The following IFNAR2 variants were observed in gnomAD, a reference collection of about 807,000 sequenced individuals.
IFNAR2 encodes interferon alpha and beta receptor subunit 2, also known as interferon alpha/beta receptor 2.
IFNAR2 carries 30 observed loss-of-function variants against 49.4 expected under a neutral mutation model. That is an observed-to-expected ratio of 0.61 (90% CI 0.45 to 0.82). The LOEUF (loss-of-function observed/expected upper bound fraction) is 0.82, where lower values mean the gene tolerates loss of function less well. Ranked by LOEUF, IFNAR2 falls within the 40% of genes least tolerant of loss-of-function variation. The pLI, the probability that IFNAR2 is intolerant of heterozygous loss-of-function variation, is 0.00. For missense variants in IFNAR2, 600 were observed against 622.7 expected (o/e 0.96, Z 0.39); for synonymous variants, 224 against 234.5 (o/e 0.96, Z 0.41).
intron 7 of IFNAR2, 90 bp from the exon 8 acceptor site, chr21:33,260,507 C>T (rs889696284): frequency 2.4e-6 from 3 of 1,230,964 alleles, no homozygotes; most frequent in Non-Finnish European, 3.3e-6. Context: ...TCTTGATCAT[C>T]TTGTAACACC....
Position 33,262,895 on chromosome 21 carries a change from G to A in IFNAR2, c.943G>A (p.Asp315Asn), listed in dbSNP as rs779764282. ...IYINRKKKVW[D>N]YNYDDESDSD... ...CATCAACAGAAAGAAGAAAGTGTGG[G>A]ATTATAATTATGATGATGAAAGTGA... The change falls in exon 9 of 9, where the codon GAT becomes AAT. Residue 315 changes from aspartate (D) to asparagine (N), a missense_variant. By Grantham distance (23) the Asp-to-Asn change is conservative. Transcript: ENST00000342136. 3 of 1,614,122 alleles carry A rather than the reference G, an allele frequency of 1.9e-6. No homozygotes were observed. The highest frequency in any genetic ancestry group is 2.2e-5 in the East Asian group (1 of 44,884).
In IFNAR2 at chr21:33,263,675, T is replaced by C. The variant is rs1305825640; in HGVS notation, c.*175T>C. 10 of 612,998 alleles carry C rather than the reference T, an allele frequency of 1.6e-5. No individual in the cohort carries two copies. The highest frequency in any genetic ancestry group is 2.6e-5 in the Non-Finnish European group (9 of 351,304). 38.0% of individuals were successfully genotyped at this position (612,998 alleles called of 1,614,324 possible). On this transcript the variant is annotated 3_prime_UTR_variant, in exon 9 of 9. Transcript: ENST00000342136. Reference sequence around the variant, plus strand: ...ATGCACATTCCCAGTATGGGGACCATAGTATCATTCAGTGCATTGTTTACA... The same window carrying C: ...ATGCACATTCCCAGTATGGGGACCACAGTATCATTCAGTGCATTGTTTACA...
chr21:33,256,493 G>A (rs1038445531), intron 7 of IFNAR2, among the ~76,000 whole-genome samples: 3 of 152,150 alleles, frequency 2.0e-5, no homozygotes, highest in African/African-American at 7.2e-5. Flanking sequence ...ATGGTGAGGG[G>A]TCTTGGAAGG....
rs764608665 is a variant in IFNAR2, at chr21:33,244,955, C to T, written c.102C>T (p.Tyr34=). The T allele has an allele frequency of 7.4e-6, 12 of 1,613,432 alleles. No individual in the cohort carries two copies. The highest frequency in any genetic ancestry group is 9.3e-6 in the Non-Finnish European group (11 of 1,179,578). The change falls in exon 4 of 9, where the codon TAC becomes TAT. Residue 34 remains tyrosine (Y), a synonymous_variant. Transcript: ENST00000342136. ...VFGISYDSPD[Y]TDESCTFKIS... ...CCTTTTTCTTCTTCTCTTTAGATTA[C>T]ACAGATGAATCTTGCACTTTCAAGA... is the stretch of plus-strand genomic sequence containing the variant.
chr21:33,234,304 A>G (rs540923500), intron 1 of IFNAR2, among the ~76,000 whole-genome samples: 2 of 152,186 alleles, frequency 1.3e-5, no homozygotes, highest in East Asian at 3.9e-4. Context: ...AAAAAGAAAG[A>G]TGTTTGAAAA....
intron 2 of IFNAR2, 62 bp from the exon 3 acceptor site, chr21:33,243,611 A>G (rs1987160303): frequency 7.3e-7 from 1 of 1,364,712 alleles, no homozygotes; most frequent in African/African-American, 1.4e-5. Flanking sequence ...GACTTAGAGT[A>G]ATCATTGCAA....
At position 33,263,170 on chromosome 21, in the gene IFNAR2, T is replaced by G; in HGVS notation, c.1218T>G (p.Phe406Leu). The G allele has an allele frequency of 6.2e-7, 1 of 1,614,108 alleles. No homozygotes were observed. Among genetic ancestry groups the G allele is most frequent in the Non-Finnish European group, 8.5e-7 (1 of 1,179,992 alleles). Residue 406 changes from phenylalanine to leucine, a missense_variant, in exon 9 of 9, where the codon TTT (phenylalanine) becomes TTG (leucine). Physicochemically the swap from Phe to Leu is conservative, Grantham distance 22. Transcript: ENST00000342136. ...ERRKSPLQDPFPEEDYSSTEG... is the reference protein window; with the variant it reads ...ERRKSPLQDPLPEEDYSSTEG... Reference sequence around the variant, plus strand: ...GAAAGAGTCCACTCCAGGACCCTTTTCCCGAAGAGGACTACAGCTCCACGG... The same window carrying G: ...GAAAGAGTCCACTCCAGGACCCTTTGCCCGAAGAGGACTACAGCTCCACGG...
intron 1 of IFNAR2, 85 bp from the exon 2 acceptor site, chr21:33,241,755 A>G (rs1175697756): frequency 2.1e-6 from 2 of 962,762 alleles, no homozygotes; most frequent in Non-Finnish European, 2.9e-6. Context: ...GCTCACTTGA[A>G]TAAATGGGGT....
At chr21:33,255,645 T>A (rs765521919) in intron 7 of IFNAR2, among the ~76,000 whole-genome samples, 5 of 152,336 alleles carry the variant, frequency 3.3e-5, no homozygotes, top group Non-Finnish European at 7.4e-5. Flanking sequence ...ATTTGGGGAC[T>A]CCCCAACCCT....
At chr21:33,233,342 G>A (rs1004329121) in intron 1 of IFNAR2, among the ~76,000 whole-genome samples, 3 of 151,478 alleles carry the variant, frequency 2.0e-5, no homozygotes, top group Non-Finnish European at 2.9e-5. Context: ...AGTCCCAGAT[G>A]TAGAGAAGTC....
At chr21:33,251,003 G>A (rs1987798940) in intron 6 of IFNAR2, among the ~76,000 whole-genome samples, 1 of 152,198 alleles carries the variant, frequency 6.6e-6, no homozygotes, top group African/African-American at 2.4e-5. Flanking sequence ...GGAAGGAGCT[G>A]GATGTGCCAG....
chr21:33,249,342 T>TC (rs990425650), intron 6 of IFNAR2, among the ~76,000 whole-genome samples: 1 of 44,926 alleles, frequency 2.2e-5, no homozygotes, highest in African/African-American at 1.1e-4. Flanking sequence ...AGACTCCGTC[T>TC]CAAAAAAAAA....
intron 5 of IFNAR2, among the ~76,000 whole-genome samples, chr21:33,247,515 G>A (rs990126384): frequency 1.3e-4 from 20 of 152,034 alleles, no homozygotes; most frequent in African/African-American, 4.8e-4. Flanking sequence ...CTGCCAAGGT[G>A]CTGAGGTTAC....
chr21:33,260,589 A>C lies in IFNAR2; in HGVS notation c.710-8A>C. 3 of 1,574,530 alleles carry C rather than the reference A, an allele frequency of 1.9e-6. No homozygotes were observed. The highest frequency in any genetic ancestry group is 2.6e-6 in the Non-Finnish European group (3 of 1,167,884). ...TTGAAATAAAGTCATTTAATTTTTC[A>C]TCAACAGAATCAGCAGAATCTGCCA... On this transcript the variant is annotated splice_region_variant and splice_polypyrimidine_tract_variant and intron_variant, in intron 7 of 8. Transcript: ENST00000342136.
intron 1 of IFNAR2, among the ~76,000 whole-genome samples, chr21:33,235,035 A>G (rs1986343313): frequency 6.6e-6 from 1 of 152,136 alleles, no homozygotes; most frequent in Non-Finnish European, 1.5e-5. Context: ...TTTCGATGAT[A>G]TAGGGTAACT....
chr21:33,241,592 GA>G (rs149871066), intron 1 of IFNAR2, among the ~76,000 whole-genome samples: 137 of 151,612 alleles, frequency 9.0e-4, no homozygotes, highest in African/African-American at 3.1e-3. Flanking sequence ...ATTCACAAAA[GA>G]AAAAAAAGTT....
intron 4 of IFNAR2, among the ~76,000 whole-genome samples, chr21:33,245,618 T>C (rs1330475811): frequency 5.3e-5 from 8 of 152,162 alleles, no homozygotes; most frequent in Admixed American, 5.2e-4. Context: ...TGCTGAGGGG[T>C]TGCTGCAAGG....
chr21:33,238,460 T>C (rs1293947465), intron 1 of IFNAR2, among the ~76,000 whole-genome samples: 2 of 152,116 alleles, frequency 1.3e-5, no homozygotes, highest in African/African-American at 2.4e-5. Context: ...CCACAATCTA[T>C]AGGTCTTAGT....
chr21:33,262,751 C>T (rs756064697), intron 8 of IFNAR2, 42 bp from the exon 9 acceptor site: 4 of 1,587,590 alleles, frequency 2.5e-6, no homozygotes, highest in Non-Finnish European at 3.4e-6. Context: ...GCAAACAGTA[C>T]AGCTGATACG....
Sources: gnomAD v4.1 joint callset for allele counts (sites outside exome capture counted in the v4.1 genomes callset) on GRCh38, gnomAD v4.1.1 for gene constraint, MANE v1.5 for transcripts, NCBI Gene and HGNC (gene_info 2026-07-23, HGNC 2026-07-21) for gene names.